CFAP77: variants seen among roughly 807,000 people sequenced by gnomAD.
CFAP77 encodes the protein cilia- and flagella-associated protein 77.
In CFAP77, 25 loss-of-function variants were observed where a neutral mutation model predicts 31.1. That is an observed-to-expected ratio of 0.80 (90% CI 0.59 to 1.12). The LOEUF (loss-of-function observed/expected upper bound fraction) is 1.12, where lower values mean the gene tolerates loss of function less well. Among genes scored for constraint, CFAP77 ranks in the 50% most tolerant of loss-of-function variants. CFAP77 has a pLI of 0.00. For missense variants in CFAP77, 377 were observed against 397.3 expected (o/e 0.95, Z 0.44); for synonymous variants, 151 against 159.9 (o/e 0.94, Z 0.42).
Position 132,552,003 on chromosome 9 carries a change from T to C in CFAP77, c.732+8956T>C, listed in dbSNP as rs1852830096. Reference sequence around the variant, plus strand: ...TGCCCCAAAAGCCTCTAGACCTTGATAAAACCTCGGGCATCTTTTAAATTG... The same window carrying C: ...TGCCCCAAAAGCCTCTAGACCTTGACAAAACCTCGGGCATCTTTTAAATTG... On this transcript the variant is annotated intron_variant, in intron 5 of 5. Coordinates refer to ENST00000393216, the MANE Select transcript of CFAP77 (RefSeq NM_001282957.2). The surrounding 1 kb of genome is among the most constrained non-coding windows in gnomAD (Gnocchi z 5.5). 6.6e-6 allele frequency among the ~76,000 whole-genome samples: 1 copy of C among 152,220 alleles called. No homozygotes were observed. Among genetic ancestry groups the C allele is most frequent in the African/African-American group, 2.4e-5 (1 of 41,450 alleles).
At chr9:132,425,884 C>T (rs1850304447) in intron 1 of CFAP77, among the ~76,000 whole-genome samples, 1 of 152,168 alleles carries the variant, frequency 6.6e-6, no homozygotes, top group African/African-American at 2.4e-5. Flanking sequence ...GAATGAAGAG[C>T]CTTGTCACTC....
At chr9:132,414,750 T>C (rs1850068211) in intron 1 of CFAP77, among the ~76,000 whole-genome samples, 1 of 152,192 alleles carries the variant, frequency 6.6e-6, no homozygotes, top group Non-Finnish European at 1.5e-5. Context: ...TAAATGCTTG[T>C]AGGTTTTCAC....
intron 1 of CFAP77, chr9:132,482,489 C>G: frequency 8.6e-7 from 1 of 1,166,964 alleles, no homozygotes; most frequent in South Asian, 1.2e-5. Flanking sequence ...TCCCGGCTTC[C>G]GCACACCTAC....
intron 1 of CFAP77, among the ~76,000 whole-genome samples, chr9:132,470,932 C>T (rs529197792): frequency 2.6e-5 from 4 of 152,240 alleles, no homozygotes; most frequent in Middle Eastern, 3.4e-3. Flanking sequence ...GAGCCAAGAT[C>T]GGGCCACTGC....
In CFAP77 at chr9:132,539,429, G is replaced by A. The variant is rs566290040; in HGVS notation, c.630+1723G>A. On this transcript the variant is annotated intron_variant, in intron 4 of 5. Transcript: ENST00000393216. This position sits in a 1 kb window ranked among gnomAD's most constrained non-coding sequence, Gnocchi z 4.3. ...ATCATCTCAGTTTGGTTTATTTCAC[G>A]GGGAAACTAGGGCTCAGAGAGATGA... Among the ~76,000 whole-genome samples, 95 of 152,176 alleles carry A rather than the reference G, an allele frequency of 6.2e-4. No individual in the cohort carries two copies. Among genetic ancestry groups the A allele is most frequent in the African/African-American group, 2.1e-3 (87 of 41,518 alleles).
At chr9:132,433,704 TG>T (rs1233534336) in intron 1 of CFAP77, among the ~76,000 whole-genome samples, 2 of 151,896 alleles carry the variant, frequency 1.3e-5, no homozygotes, top group Non-Finnish European at 2.9e-5. Context: ...TGAGCCACCA[TG>T]CCCAGCTAAT....
chr9:132,485,246 G>A (rs1257722921), intron 1 of CFAP77, among the ~76,000 whole-genome samples: 2 of 152,148 alleles, frequency 1.3e-5, no homozygotes, highest in Non-Finnish European at 2.9e-5. Flanking sequence ...TTATTAAGAA[G>A]CTTCCAGGCC....
chr9:132,558,556 T>G (rs1852940235), intron 5 of CFAP77, among the ~76,000 whole-genome samples: 2 of 150,584 alleles, frequency 1.3e-5, no homozygotes, highest in African/African-American at 4.9e-5. Flanking sequence ...AATATAAAAA[T>G]CAGCCAGGCG....
intron 1 of CFAP77, among the ~76,000 whole-genome samples, chr9:132,437,105 T>C (rs1850516009): frequency 6.6e-6 from 1 of 152,200 alleles, no homozygotes; most frequent in African/African-American, 2.4e-5. Flanking sequence ...GTCATGTGCA[T>C]GTAATACTAT....
At chr9:132,557,886 G>A (rs1852928809) in intron 5 of CFAP77, among the ~76,000 whole-genome samples, 1 of 150,840 alleles carries the variant, frequency 6.6e-6, no homozygotes, top group Non-Finnish European at 1.5e-5. Flanking sequence ...ACGTGTAGAT[G>A]TCTCCTCCCC....
intron 4 of CFAP77, among the ~76,000 whole-genome samples, chr9:132,540,222 G>A (rs536052926): frequency 1.3e-5 from 2 of 151,958 alleles, no homozygotes; most frequent in Admixed American, 1.3e-4. Flanking sequence ...GAGCCACTGT[G>A]CCAGGCTTAG....
chr9:132,522,565 A>G (rs1340307649), intron 3 of CFAP77, among the ~76,000 whole-genome samples: 4 of 152,242 alleles, frequency 2.6e-5, no homozygotes, highest in Admixed American at 6.5e-5. Flanking sequence ...ATATTTTACC[A>G]TAAAGAACTA....
At chr9:132,427,825 A>G (rs1301418797) in intron 1 of CFAP77, among the ~76,000 whole-genome samples, 1 of 152,176 alleles carries the variant, frequency 6.6e-6, no homozygotes, top group Non-Finnish European at 1.5e-5. Flanking sequence ...TGTCTCCTGC[A>G]GTATCATCTC....
chr9:132,510,288 C>G (rs118003043), intron 3 of CFAP77, among the ~76,000 whole-genome samples: 70 of 152,338 alleles, frequency 4.6e-4, no homozygotes, highest in Non-Finnish European at 9.4e-4. Flanking sequence ...GGGCCTCACC[C>G]GTGTCAGGGG....
chr9:132,507,754 T>C (rs1409102080), intron 3 of CFAP77, among the ~76,000 whole-genome samples: 1 of 152,118 alleles, frequency 6.6e-6, no homozygotes, highest in Non-Finnish European at 1.5e-5. Flanking sequence ...ATCCCAGAGA[T>C]CCGAGGCAGT....
At chr9:132,506,470 G>A (rs891117015) in intron 3 of CFAP77, among the ~76,000 whole-genome samples, 1 of 151,998 alleles carries the variant, frequency 6.6e-6, no homozygotes, top group Non-Finnish European at 1.5e-5. Context: ...GAGCAGGGAG[G>A]GCCCGGCAGC....
rs941081937 is a variant in CFAP77, at chr9:132,554,039, C to T, written c.732+10992C>T. ...CACCATTCCAGGGGCTTGGCAATGA[C>T]CCCACGGGATGGGTAGTATGACCCT... On this transcript the variant is annotated intron_variant, in intron 5 of 5. Coordinates refer to ENST00000393216, the MANE Select transcript of CFAP77 (RefSeq NM_001282957.2). This position sits in a 1 kb window ranked among gnomAD's most constrained non-coding sequence, Gnocchi z 4.1. 3.9e-5 allele frequency among the ~76,000 whole-genome samples: 6 copies of T among 152,302 alleles called. No individual in the cohort carries two copies. The East Asian group carries it at 1.2e-3, about 29-fold the overall frequency.
intron 1 of CFAP77, among the ~76,000 whole-genome samples, chr9:132,413,360 A>AC (rs1850042132): frequency 6.6e-6 from 1 of 152,166 alleles, no homozygotes; most frequent in Non-Finnish European, 1.5e-5. Flanking sequence ...CTCATTTAAA[A>AC]CCAAGTCAAC....
intron 5 of CFAP77, among the ~76,000 whole-genome samples, chr9:132,569,752 T>TC (rs1829931790): frequency 6.8e-6 from 1 of 146,902 alleles, no homozygotes; most frequent in East Asian, 2.0e-4. Context: ...TTTTTTTTTT[T>TC]TGAGACGGAA....
Sources: allele counts gnomAD v4.1 joint callset (sites outside exome capture counted in the v4.1 genomes callset), GRCh38; gene constraint gnomAD v4.1.1; non-coding constraint Gnocchi (gnomAD v3.1); transcripts MANE v1.5; gene names NCBI Gene and HGNC (gene_info 2026-07-23, HGNC 2026-07-21).